The following KIF1A variants were observed in gnomAD, a reference collection of about 807,000 sequenced individuals.
The protein encoded by KIF1A is kinesin family member 1A.
KIF1A carries 46 observed loss-of-function variants against 227.3 expected under a neutral mutation model. The ratio of observed to expected loss-of-function variants is 0.20; its 90% CI spans 0.16 to 0.26. KIF1A has a LOEUF of 0.26. Ranked by LOEUF, KIF1A falls within the 10% of genes least tolerant of loss-of-function variation. The probability of loss-of-function intolerance (pLI) is 1.00; values close to 1 mark genes in which losing one functional copy is unlikely to be tolerated. For synonymous variants in KIF1A, 1,022 were observed against 1,012.8 expected, an observed-to-expected ratio of 1.01 and a Z score of -0.17; for missense variants, 1,683 against 2,485.9, an observed-to-expected ratio of 0.68 and a Z score of 6.87.
chr2:240,777,002 TA>T (rs1382327836), intron 10 of KIF1A, among the ~76,000 whole-genome samples: 1 of 152,232 alleles, frequency 6.6e-6, no homozygotes, highest in African/African-American at 2.4e-5. Flanking sequence ...GGAAACTTAG[TA>T]GGGACTAACT....
At chr2:240,762,308 G>A (rs1206728156) in intron 23 of KIF1A, among the ~76,000 whole-genome samples, 1 of 152,218 alleles carries the variant, frequency 6.6e-6, no homozygotes, top group South Asian at 2.1e-4. Context: ...GTGCACAGTG[G>A]ACTCTTCCTC....
chr2:240,736,302 C>T lies in KIF1A; in HGVS notation c.4007+761G>A. 6.6e-6 allele frequency among the ~76,000 whole-genome samples: 1 copy of T among 152,136 alleles called. No homozygotes were observed. The highest frequency in any genetic ancestry group is 1.9e-4 in the East Asian group (1 of 5,180). On this transcript the variant is annotated intron_variant, in intron 38 of 48. Transcript: ENST00000498729. The surrounding 1 kb of genome is among the most constrained non-coding windows in gnomAD (Gnocchi z 4.7). ...GTGCATCATGAGCCAGGTCGAGCCC[C>T]CAGGGAGCAGCCAGGACTGGACACT...
At position 240,722,656 on chromosome 2, in the gene KIF1A, C is replaced by A. The variant is rs2045544493; in HGVS notation, c.4465G>T (p.Val1489Leu). 2 of 1,523,044 alleles carry A rather than the reference C, an allele frequency of 1.3e-6. No homozygotes were observed. The highest frequency in any genetic ancestry group is 2.1e-5 in the Admixed American group (1 of 48,180). 94.3% of individuals were successfully genotyped at this position (1,523,044 alleles called of 1,614,324 possible). A position where few individuals can be genotyped will look rare whatever the true frequency, so the allele number is the denominator to read the frequency against. Residue 1489 changes from valine to leucine, a missense_variant and splice_region_variant, in exon 43 of 49, where the codon GTG becomes TTG. Around this residue, in one of 12 missense-constraint regions of KIF1A, gnomAD observed 759 missense variants for 1,020.2 expected, o/e 0.74. Transcript: ENST00000498729. Reference sequence around the variant, plus strand: ...AGCAGGTAGTGCCTAGTCTTCTCCACCTTCAGACAGGACACAAGGCCTTAC... The same window carrying A: ...AGCAGGTAGTGCCTAGTCTTCTCCAACTTCAGACAGGACACAAGGCCTTAC... ...ELEKLSLLQE[V>L]EKTRHYLLLR...
rs373047635 is a variant in KIF1A, at chr2:240,787,327, G to A, written c.364-11C>T. On this transcript the variant is annotated splice_polypyrimidine_tract_variant and intron_variant, in intron 4 of 48. Coordinates refer to ENST00000498729, the MANE Select transcript of KIF1A (RefSeq NM_001244008.2). ...GAGGTCCTCGCAGAGCTGCAGGAAT[G>A]GGGGGACAGTCAGCCAGGGAGGGCT... 2.4e-5 allele frequency: 38 copies of A among 1,611,748 alleles called. No individual in the cohort carries two copies. Among genetic ancestry groups the A allele is most frequent in the African/African-American group, 1.6e-4 (12 of 74,984 alleles).
chr2:240,769,515 C>A (rs2051651438), intron 16 of KIF1A, 112 bp downstream of exon 16: 1 of 872,112 alleles, frequency 1.1e-6, no homozygotes, highest in African/African-American at 1.7e-5. Flanking sequence ...TGTGGCCACC[C>A]CATGGTGCAG....
rs150061291 is a variant in KIF1A at position 240,736,453 on chromosome 2, G to A, written c.4007+610C>T. ...GCTGAGCCACCTGCCCAGGCCAACC[G>A]CAGGGGCTGCCTCCCTCTCCCATCC... On this transcript the variant is annotated intron_variant, in intron 38 of 48. Coordinates refer to ENST00000498729, the MANE Select transcript of KIF1A (RefSeq NM_001244008.2). The surrounding 1 kb of genome is among the most constrained non-coding windows in gnomAD (Gnocchi z 4.7). Among the ~76,000 whole-genome samples the A allele has an allele frequency of 2.5e-4, 38 of 152,156 alleles. No individual in the cohort carries two copies. The highest frequency in any genetic ancestry group is 4.0e-4 in the Non-Finnish European group (27 of 67,986).
intron 10 of KIF1A, chr2:240,782,306 G>T: frequency 2.9e-6 from 2 of 695,586 alleles, no homozygotes; most frequent in Non-Finnish European, 3.5e-6. Context: ...TCCTCCCAGG[G>T]CCCCCACGCC....
chr2:240,804,533 G>T (rs1228583502), intron 1 of KIF1A, among the ~76,000 whole-genome samples: 1 of 152,170 alleles, frequency 6.6e-6, no homozygotes, highest in Non-Finnish European at 1.5e-5. Context: ...ACCTGCTGTG[G>T]GGGGAATGGG....
Position 240,747,319 on chromosome 2 carries a change from C to T in KIF1A, c.2980G>A (p.Asp994Asn), listed in dbSNP as rs2048715379. 2.5e-6 allele frequency: 4 copies of T among 1,612,536 alleles called. No individual in the cohort carries two copies. The highest frequency in any genetic ancestry group is 2.2e-5 in the East Asian group (1 of 44,866). The change falls in exon 29 of 49, where the codon GAT (aspartate) becomes AAT (asparagine). Residue 994 changes from aspartate to asparagine, a missense_variant and splice_region_variant. Physicochemically the swap from Asp to Asn is conservative, Grantham distance 23. Around this residue, in one of 12 missense-constraint regions of KIF1A, gnomAD observed 759 missense variants for 1,020.2 expected, o/e 0.74. Transcript: ENST00000498729. The part of the protein sequence containing the change: ...LRVAVQAISA[D>N]EEAPDYGSGV... Reference sequence around the variant, plus strand: ...GAGCCATAATCAGGGGCCTCTTCATCGGCTGCAGGAGAAACAGAGCAAATG... The same window carrying T: ...GAGCCATAATCAGGGGCCTCTTCATTGGCTGCAGGAGAAACAGAGCAAATG...
In KIF1A at chr2:240,745,794, T is replaced by G; in HGVS notation, c.3318A>C (p.Thr1106=). Residue 1106 remains threonine (T), a synonymous_variant, in exon 31 of 49, where the codon ACA becomes ACC. Coordinates refer to ENST00000498729, the MANE Select transcript of KIF1A (RefSeq NM_001244008.2). ...RLGNTFTFRV[T]VLQASSISAE... ...CAGAGATGCTGGACGCCTGCAGGAC[T>G]GTCACACGGAAGGTGAAGGTGTTGC... is the stretch of plus-strand genomic sequence containing the variant. 6.2e-7 allele frequency: 1 copy of G among 1,613,052 alleles called. No individual in the cohort carries two copies. Among genetic ancestry groups the G allele is most frequent in the Middle Eastern group, 1.7e-4 (1 of 6,060 alleles).
At position 240,723,563 on chromosome 2, in the gene KIF1A, A is replaced by G. The variant is rs1484136786; in HGVS notation, c.4319-5T>C. ...GTCGGCGCCGGCGCTGCATCCCTGC[A>G]TGGGGCACGTGGACATTCCACCCCT... On this transcript the variant is annotated splice_polypyrimidine_tract_variant and splice_region_variant and intron_variant, in intron 41 of 48. Transcript: ENST00000498729. The G allele has an allele frequency of 2.0e-6, 3 of 1,531,924 alleles. No individual in the cohort carries two copies. The highest frequency in any genetic ancestry group is 2.4e-5 in the South Asian group (2 of 83,126). 94.9% of individuals were successfully genotyped at this position (1,531,924 alleles called of 1,614,324 possible).
chr2:240,796,639 C>T (rs2056430104), intron 2 of KIF1A, among the ~76,000 whole-genome samples: 1 of 152,180 alleles, frequency 6.6e-6, no homozygotes, highest in Non-Finnish European at 1.5e-5. Context: ...GCCCCACAGC[C>T]GCAGCAGCCT....
At chr2:240,813,108 G>A (rs1467553631) in intron 1 of KIF1A, among the ~76,000 whole-genome samples, 1 of 152,292 alleles carries the variant, frequency 6.6e-6, no homozygotes, top group East Asian at 1.9e-4. Context: ...ACAAAGCATC[G>A]GCATGGGCCA....
chr2:240,767,105 C>T lies in KIF1A; in HGVS notation c.1578-84G>A, dbSNP rs376372634. 7.3e-6 allele frequency: 9 copies of T among 1,227,510 alleles called. No individual in the cohort carries two copies. The African/African-American group carries it at 1.2e-4, about 16-fold the overall frequency. The allele number at this position is 1,227,510 out of a possible 1,614,324, so 76.0% of individuals were successfully genotyped here. A position where few individuals can be genotyped will look rare whatever the true frequency, so the allele number is the denominator to read the frequency against. On this transcript the variant is annotated intron_variant, in intron 18 of 48. Transcript: ENST00000498729. ...CCCACTGGCCTCCAGGGACGCCCAA[C>T]CAGGATTGTTTGGGAAACACCCAGC...
At chr2:240,724,716 T>G in intron 40 of KIF1A, 1 of 160,608 alleles carries the variant, frequency 6.2e-6, no homozygotes, top group Non-Finnish European at 1.4e-5. Context: ...CAGGAGCGTG[T>G]TCAGCACGCA....
At chr2:240,808,117 C>T (rs550465061) in intron 1 of KIF1A, among the ~76,000 whole-genome samples, 3 of 152,280 alleles carry the variant, frequency 2.0e-5, no homozygotes, top group South Asian at 2.1e-4. Flanking sequence ...ATCTCTACTT[C>T]TATTTAACAT....
At chr2:240,744,555 A>G (rs2048366467) in intron 32 of KIF1A, among the ~76,000 whole-genome samples, 1 of 152,148 alleles carries the variant, frequency 6.6e-6, no homozygotes, top group African/African-American at 2.4e-5. Context: ...CCAATCCAAC[A>G]TGGCTGCTGT....
At chr2:240,772,747 G>C (rs927486072) in intron 13 of KIF1A, among the ~76,000 whole-genome samples, 151 bp from the exon 14 acceptor site, 2 of 152,178 alleles carry the variant, frequency 1.3e-5, no homozygotes, top group East Asian at 1.9e-4. Context: ...TTCAGCTCCA[G>C]AACGCGGGGG....
At chr2:240,744,274 G>A (rs539059497) in intron 32 of KIF1A, among the ~76,000 whole-genome samples, 11 of 152,186 alleles carry the variant, frequency 7.2e-5, no homozygotes, top group African/African-American at 2.2e-4. Flanking sequence ...TGTGTCCCTC[G>A]GGCTCTCTCT....
Sources: gnomAD v4.1 joint callset for allele counts (sites outside exome capture counted in the v4.1 genomes callset) on GRCh38, gnomAD v4.1.1 for gene constraint, gnomAD v4.1.1 regional missense constraint, Gnocchi (gnomAD v3.1) non-coding constraint, MANE v1.5 for transcripts, NCBI Gene and HGNC (gene_info 2026-07-23, HGNC 2026-07-21) for gene names.